Variants in CDK15 observed in about 807,000 individuals in gnomAD.
CDK15 encodes the protein cyclin dependent kinase 15.
Under a neutral mutation model 60.3 loss-of-function variants are expected in CDK15, and 62 were observed. That is an observed-to-expected ratio of 1.03 (90% CI 0.84 to 1.27). CDK15 has a LOEUF of 1.27. Among genes scored for constraint, CDK15 ranks in the 50% most tolerant of loss-of-function variants. CDK15 has a pLI of 0.00. For missense variants in CDK15, 541 were observed against 527.8 expected (o/e 1.03, Z -0.25); for synonymous variants, 194 against 195.7 (o/e 0.99, Z 0.07).
rs1696028811 is a variant in CDK15 at position 201,817,082 on chromosome 2, A to G, written c.448+4520A>G. On this transcript the variant is annotated intron_variant, in intron 4 of 13. Coordinates refer to ENST00000652192, the MANE Select transcript of CDK15 (RefSeq NM_001366386.2). Reference sequence around the variant, plus strand: ...TGCTGAACACTGCTGCTTCAATAAAAGCTGCTGTCTAACACCACAGGCTCA... The same window carrying G: ...TGCTGAACACTGCTGCTTCAATAAAGGCTGCTGTCTAACACCACAGGCTCA... 4.6e-5 allele frequency among the ~76,000 whole-genome samples: 7 copies of G among 152,248 alleles called. 1 individual carries two copies. Among genetic ancestry groups the G allele is most frequent in the Admixed American group, 4.6e-4 (7 of 15,286 alleles).
At chr2:201,816,958 G>T (rs1384531631) in intron 4 of CDK15, among the ~76,000 whole-genome samples, 1 of 152,334 alleles carries the variant, frequency 6.6e-6, no homozygotes. Flanking sequence ...ATAACTAAAA[G>T]TGGGTATAAA....
chr2:201,846,515 T>A (rs1697674782), intron 8 of CDK15, among the ~76,000 whole-genome samples: 1 of 150,862 alleles, frequency 6.6e-6, no homozygotes. Flanking sequence ...AATTGCAGAA[T>A]TGGTGTCAGC....
At chr2:201,879,862 T>C (rs992091763) in intron 11 of CDK15, among the ~76,000 whole-genome samples, 166 bp from the exon 12 acceptor site, 2 of 152,166 alleles carry the variant, frequency 1.3e-5, no homozygotes, top group African/African-American at 4.8e-5. Flanking sequence ...AAGAGTTTAG[T>C]ATGGGGGTTA....
At chr2:201,811,538 CAA>C (rs1213089096) in intron 3 of CDK15, among the ~76,000 whole-genome samples, 4 of 152,200 alleles carry the variant, frequency 2.6e-5, no homozygotes, top group African/African-American at 9.7e-5. Flanking sequence ...AGGTTACTAA[CAA>C]TATGATTTTA....
intron 9 of CDK15, among the ~76,000 whole-genome samples, chr2:201,848,628 T>G (rs922077345): frequency 6.6e-6 from 1 of 152,100 alleles, no homozygotes; most frequent in African/African-American, 2.4e-5. Context: ...TCTAGGTACC[T>G]CATATAAGTG....
intron 8 of CDK15, among the ~76,000 whole-genome samples, chr2:201,836,058 T>TTATATA (rs1553523959): frequency 2.1e-5 from 2 of 96,028 alleles, no homozygotes; most frequent in African/African-American, 4.9e-5. Context: ...TATATATATA[T>TTATATA]TATATATATT....
intron 6 of CDK15, among the ~76,000 whole-genome samples, chr2:201,831,940 G>A (rs984697582): frequency 1.3e-5 from 2 of 152,144 alleles, no homozygotes; most frequent in Non-Finnish European, 2.9e-5. Context: ...GTAAACTGAG[G>A]ATAAGCATGC....
At chr2:201,836,027 TA>T (rs1277317465) in intron 8 of CDK15, among the ~76,000 whole-genome samples, 10 of 122,822 alleles carry the variant, frequency 8.1e-5, no homozygotes, top group East Asian at 2.1e-4. Flanking sequence ...TTTATATATT[TA>T]TATATATTTT....
intron 10 of CDK15, among the ~76,000 whole-genome samples, chr2:201,864,996 A>C (rs1698560785): frequency 6.6e-6 from 1 of 152,176 alleles, no homozygotes; most frequent in Non-Finnish European, 1.5e-5. Flanking sequence ...CCAGTACTGC[A>C]GGACTGGGTA....
intron 12 of CDK15, among the ~76,000 whole-genome samples, chr2:201,881,099 T>G (rs1262418945): frequency 1.3e-5 from 2 of 151,080 alleles, no homozygotes; most frequent in Non-Finnish European, 1.5e-5. Flanking sequence ...TGGGGTGCAG[T>G]GAGATAAGGA....
intron 8 of CDK15, among the ~76,000 whole-genome samples, chr2:201,837,445 GGAAAGGAAGGAAGGAA>G (rs1439993232): frequency 1.3e-4 from 12 of 90,508 alleles, no homozygotes; most frequent in African/African-American, 4.8e-4. Context: ...AAGGAAGGAA[GGAAAGGAAGGAAGGAA>G]GGAAGGAAGG....
chr2:201,839,072 A>G (rs1697260720), intron 8 of CDK15, among the ~76,000 whole-genome samples: 1 of 151,848 alleles, frequency 6.6e-6, no homozygotes, highest in Non-Finnish European at 1.5e-5. Context: ...ATGATGTTAT[A>G]TTGCTTCTAG....
At chr2:201,876,074 A>T (rs779887922) in intron 11 of CDK15, among the ~76,000 whole-genome samples, 1 of 152,190 alleles carries the variant, frequency 6.6e-6, no homozygotes, top group Non-Finnish European at 1.5e-5. Context: ...GTATGAATTC[A>T]CATTTACCTT....
intron 12 of CDK15, chr2:201,889,266 C>A (rs1012042741): frequency 2.0e-6 from 2 of 985,200 alleles, no homozygotes; most frequent in Admixed American, 1.2e-4. Flanking sequence ...TTGAGCACCC[C>A]AGATTTATGC....
intron 4 of CDK15, among the ~76,000 whole-genome samples, chr2:201,814,816 A>G (rs989071357): frequency 1.3e-5 from 2 of 152,208 alleles, no homozygotes; most frequent in Non-Finnish European, 2.9e-5. Flanking sequence ...ATTTTACTAC[A>G]TATATGGTCT....
intron 4 of CDK15, among the ~76,000 whole-genome samples, chr2:201,817,668 G>C (rs184802354): frequency 1.3e-5 from 2 of 152,196 alleles, no homozygotes; most frequent in Non-Finnish European, 2.9e-5. Flanking sequence ...ATGAGGCAGG[G>C]GAGGAGGCTG....
chr2:201,870,535 C>T (rs1216031085), intron 10 of CDK15, among the ~76,000 whole-genome samples: 2 of 135,486 alleles, frequency 1.5e-5, no homozygotes, highest in East Asian at 2.2e-4. Flanking sequence ...AAAAAAAAAG[C>T]GAGACTCCCA....
At chr2:201,851,903 C>T (rs1448441684) in intron 9 of CDK15, among the ~76,000 whole-genome samples, 2 of 152,174 alleles carry the variant, frequency 1.3e-5, no homozygotes, top group Admixed American at 6.5e-5. Flanking sequence ...TGGTGATCCA[C>T]CTGCCTCAGC....
chr2:201,832,860 T>C (rs1421949443), intron 6 of CDK15, among the ~76,000 whole-genome samples: 3 of 152,252 alleles, frequency 2.0e-5, no homozygotes, highest in African/African-American at 7.2e-5. Context: ...ATTTTGCCCA[T>C]GTCCCAGGAA....
Sources: gnomAD v4.1 joint callset for allele counts (sites outside exome capture counted in the v4.1 genomes callset) on GRCh38, gnomAD v4.1.1 for gene constraint, MANE v1.5 for transcripts, NCBI Gene and HGNC (gene_info 2026-07-23, HGNC 2026-07-21) for gene names.